The following ZNF804B variants were observed in gnomAD, a reference collection of about 807,000 sequenced individuals.
ZNF804B encodes zinc finger 804B.
ZNF804B carries 80 observed loss-of-function variants against 101.4 expected under a neutral mutation model. That is an observed-to-expected ratio of 0.79 (90% CI 0.66 to 0.95). The LOEUF is 0.95. ZNF804B is among the 40% of genes least tolerant of loss of function. The pLI is 0.00. For synonymous variants in ZNF804B, 622 were observed against 558.8 expected (o/e 1.11, Z -1.59); for missense variants, 1,673 against 1,561.9 (o/e 1.07, Z -1.20).
chr7:89,239,204 CAG>C (rs1465986753), intron 2 of ZNF804B, among the ~76,000 whole-genome samples: 3 of 152,126 alleles, frequency 2.0e-5, no homozygotes, highest in Non-Finnish European at 2.9e-5. Flanking sequence ...TTGTGCAGGA[CAG>C]AGTCTGTCAA....
In ZNF804B at chr7:89,337,000, GA is replaced by G; in HGVS notation, c.4019del (p.Glu1340GlyfsTer3). The G allele has an allele frequency of 6.2e-7, 1 of 1,614,008 alleles. No homozygotes were observed. Among genetic ancestry groups the G allele is most frequent in the Non-Finnish European group, 8.5e-7 (1 of 1,179,960 alleles). ...GATGCAACAGCTAAATGAAGTGAAA[GA>G]GGCCTTAAATGTGTCCACACACTTG... ...SQMQQLNEVK[E>X]ALNVSTHLN is the part of the protein sequence containing the mutation. On this transcript the variant is annotated frameshift_variant, in exon 4 of 4. Coordinates refer to ENST00000333190, the MANE Select transcript of ZNF804B (RefSeq NM_181646.5). LOFTEE classifies it high-confidence loss of function.
chr7:89,275,336 C>G (rs1230059122), intron 2 of ZNF804B, among the ~76,000 whole-genome samples: 1 of 152,018 alleles, frequency 6.6e-6, no homozygotes, highest in Non-Finnish European at 1.5e-5. Flanking sequence ...CTACCTGCTT[C>G]TGCCCTTGTA....
chr7:89,112,557 C>A (rs1172179902), intron 1 of ZNF804B, among the ~76,000 whole-genome samples: 1 of 152,128 alleles, frequency 6.6e-6, no homozygotes, highest in African/African-American at 2.4e-5. Context: ...TTTTGTCAGT[C>A]TTCCAACTTT....
chr7:89,190,513 A>G (rs1788440807), intron 1 of ZNF804B, among the ~76,000 whole-genome samples: 1 of 152,116 alleles, frequency 6.6e-6, no homozygotes, highest in Non-Finnish European at 1.5e-5. Flanking sequence ...GGTGCTATGA[A>G]CATTGTTCAA....
intron 1 of ZNF804B, among the ~76,000 whole-genome samples, chr7:88,930,840 T>C (rs1792874199): frequency 6.6e-6 from 1 of 151,920 alleles, no homozygotes; most frequent in Non-Finnish European, 1.5e-5. Context: ...CTTTATTTTA[T>C]AGATACACCT....
chr7:89,170,759 A>C (rs1016341607), intron 1 of ZNF804B, among the ~76,000 whole-genome samples: 1 of 152,208 alleles, frequency 6.6e-6, no homozygotes, highest in South Asian at 2.1e-4. Context: ...AAAAGAGAAC[A>C]CTCAGCTCTG....
intron 2 of ZNF804B, among the ~76,000 whole-genome samples, chr7:89,248,092 G>A (rs1187286790): frequency 6.6e-6 from 1 of 152,074 alleles, no homozygotes; most frequent in Non-Finnish European, 1.5e-5. Flanking sequence ...AAGTCTTCAA[G>A]AAATATGGGA....
chr7:88,848,161 A>C (rs899290070), intron 1 of ZNF804B, among the ~76,000 whole-genome samples: 20 of 152,184 alleles, frequency 1.3e-4, no homozygotes, highest in African/African-American at 4.8e-4. Flanking sequence ...CCTACGGTAC[A>C]AACAGGACAT....
At chr7:88,925,347 T>G (rs10216278) in intron 1 of ZNF804B, among the ~76,000 whole-genome samples, 29,791 of 152,082 alleles carry the variant, frequency 0.2, 3,289 homozygotes, top group East Asian at 0.43. Context: ...GTCAAAGACC[T>G]AACCCCAGTA....
chr7:89,109,900 T>G (rs1790190256), intron 1 of ZNF804B, among the ~76,000 whole-genome samples: 1 of 152,152 alleles, frequency 6.6e-6, no homozygotes, highest in Non-Finnish European at 1.5e-5. Context: ...TTAACTTATT[T>G]ATATGTTGAA....
At chr7:89,274,860 C>G (rs1209047599) in intron 2 of ZNF804B, among the ~76,000 whole-genome samples, 2 of 151,856 alleles carry the variant, frequency 1.3e-5, no homozygotes, top group African/African-American at 4.9e-5. Flanking sequence ...ACTGTGGATT[C>G]CTTCACATCT....
At chr7:89,322,066 A>T (rs1790829607) in intron 2 of ZNF804B, among the ~76,000 whole-genome samples, 1 of 152,204 alleles carries the variant, frequency 6.6e-6, no homozygotes, top group Non-Finnish European at 1.5e-5. Context: ...CACGTAGTAA[A>T]GATTGATGGA....
intron 1 of ZNF804B, among the ~76,000 whole-genome samples, chr7:89,151,634 T>A (rs1790877904): frequency 6.6e-6 from 1 of 151,990 alleles, no homozygotes; most frequent in Non-Finnish European, 1.5e-5. Flanking sequence ...AACTGCTACA[T>A]ATTCAGGAAT....
At chr7:89,293,208 A>G (rs562641941) in intron 2 of ZNF804B, among the ~76,000 whole-genome samples, 11 of 152,108 alleles carry the variant, frequency 7.2e-5, no homozygotes, top group African/African-American at 2.7e-4. Flanking sequence ...TTAATTATAC[A>G]CTTTTCTTTT....
At chr7:89,253,960 A>G (rs1343184427) in intron 2 of ZNF804B, among the ~76,000 whole-genome samples, 2 of 152,148 alleles carry the variant, frequency 1.3e-5, no homozygotes, top group African/African-American at 4.8e-5. Flanking sequence ...CAGAATGAAA[A>G]CCTTAGGAAA....
chr7:88,883,793 A>AATGTGTGT (rs1012392636), intron 1 of ZNF804B, among the ~76,000 whole-genome samples: 1 of 146,646 alleles, frequency 6.8e-6, no homozygotes, highest in Non-Finnish European at 1.5e-5. Context: ...AGAAGCACTG[A>AATGTGTGT]ATGTGTGTAT....
chr7:89,124,626 A>G (rs564900263), intron 1 of ZNF804B, among the ~76,000 whole-genome samples: 1 of 152,298 alleles, frequency 6.6e-6, no homozygotes, highest in African/African-American at 2.4e-5. Context: ...CAAAACTTAG[A>G]TGAAGAGAAA....
intron 1 of ZNF804B, among the ~76,000 whole-genome samples, chr7:89,121,599 T>G (rs1164044601): frequency 6.6e-6 from 1 of 152,186 alleles, no homozygotes; most frequent in East Asian, 1.9e-4. Context: ...TGGACTAAAC[T>G]AAGTATTAGT....
chr7:89,047,380 A>G (rs1352996795), intron 1 of ZNF804B, among the ~76,000 whole-genome samples: 2 of 152,192 alleles, frequency 1.3e-5, no homozygotes, highest in South Asian at 2.1e-4. Flanking sequence ...ATTAGGGATA[A>G]TGTGTATTAA....
Sources: allele counts gnomAD v4.1 joint callset (sites outside exome capture counted in the v4.1 genomes callset), GRCh38; gene constraint gnomAD v4.1.1; transcripts MANE v1.5; gene names NCBI Gene and HGNC (gene_info 2026-07-23, HGNC 2026-07-21).